Variants in RB1CC1 observed in about 807,000 individuals in gnomAD.
RB1CC1 encodes the protein RB1-inducible coiled-coil protein 1.
In RB1CC1, 46 loss-of-function variants were observed where a neutral mutation model predicts 177.5. That is an observed-to-expected ratio of 0.26 (90% CI 0.20 to 0.33). The LOEUF is 0.33. Among genes scored for constraint, RB1CC1 ranks in the 10% least tolerant of loss-of-function variants. The probability of loss-of-function intolerance (pLI) is 1.00; values close to 1 mark genes in which losing one functional copy is unlikely to be tolerated. For missense variants in RB1CC1, 1,703 were observed against 1,816.3 expected, an observed-to-expected ratio of 0.94 and a Z score of 1.13; for synonymous variants, 666 against 613.6, an observed-to-expected ratio of 1.09 and a Z score of -1.26.
At chr8:52,683,849 T>A in intron 4 of RB1CC1, 38 bp downstream of exon 4, 1 of 1,603,968 alleles carries the variant, frequency 6.2e-7, no homozygotes, top group Non-Finnish European at 8.5e-7. Flanking sequence ...GATGTAAAGA[T>A]GTTGCATTCT....
chr8:52,625,049 G>A (rs1322240180), intron 22 of RB1CC1, among the ~76,000 whole-genome samples: 3 of 152,018 alleles, frequency 2.0e-5, no homozygotes, highest in African/African-American at 7.2e-5. Context: ...AACAGTTCAG[G>A]AAACACTAAT....
chr8:52,639,653 G>A (rs945088605), intron 18 of RB1CC1, among the ~76,000 whole-genome samples: 7 of 152,176 alleles, frequency 4.6e-5, no homozygotes, highest in African/African-American at 1.4e-4. Context: ...GTTTGCTAAG[G>A]ATTTTGTTAA....
Position 52,656,194 on chromosome 8 carries a change from A to G in RB1CC1, c.3635T>C (p.Leu1212Pro). 1 of 1,613,712 alleles carries G rather than the reference A, an allele frequency of 6.2e-7. No individual in the cohort carries two copies. The highest frequency in any genetic ancestry group is 1.7e-4 in the Middle Eastern group (1 of 6,058). ...GACCAATTTTTGTCTGTCTTTCTCA[A>G]GGTTCTGGATAATAGCTTCGTATTT... ...EEKYEAIIQN[L>P]EKDRQKLVSS... The change falls in exon 15 of 24, where the codon CTT becomes CCT. Residue 1212 changes from leucine to proline, a missense_variant. This residue lies in a region of RB1CC1 where 1,169 missense variants were observed against 1,184.7 expected (regional missense o/e 0.99). Coordinates refer to ENST00000025008, the MANE Select transcript of RB1CC1 (RefSeq NM_014781.5).
At chr8:52,631,319 A>C (rs1848739150) in intron 20 of RB1CC1, among the ~76,000 whole-genome samples, 1 of 152,168 alleles carries the variant, frequency 6.6e-6, no homozygotes, top group South Asian at 2.1e-4. Context: ...AATACAAAAA[A>C]TTAGCTGGGC....
In RB1CC1 at chr8:52,657,975, C is replaced by T. The variant is rs932782837; in HGVS notation, c.1920+23G>A. On this transcript the variant is annotated intron_variant, in intron 14 of 23. Transcript: ENST00000025008. ...AAACATTTTACACTAATGAAGAAAA[C>T]TGTTTGAAAGAATTGAATTTGCCTT... is the stretch of plus-strand genomic sequence containing the variant. The T allele has an allele frequency of 3.7e-6, 6 of 1,613,136 alleles. No homozygotes were observed. The African/African-American group carries it at 4.0e-5, about 11-fold the overall frequency.
chr8:52,685,658 C>G (rs1854209333), intron 2 of RB1CC1, 138 bp from the exon 3 acceptor site: 4 of 403,546 alleles, frequency 9.9e-6, no homozygotes, highest in Non-Finnish European at 1.8e-5. Context: ...GGATGGCTAA[C>G]TGGATAGTTC....
intron 7 of RB1CC1, among the ~76,000 whole-genome samples, chr8:52,673,106 T>A (rs1852757866): frequency 6.6e-6 from 1 of 152,226 alleles, no homozygotes; most frequent in Non-Finnish European, 1.5e-5. Flanking sequence ...CTCTAAATAG[T>A]GAATCAAAGA....
At chr8:52,677,474 A>C (rs968350558) in intron 5 of RB1CC1, among the ~76,000 whole-genome samples, 2 of 152,204 alleles carry the variant, frequency 1.3e-5, no homozygotes, top group Admixed American at 6.5e-5. Context: ...TAAGGTAAGG[A>C]AGGAGGAATT....
chr8:52,641,538 T>C (rs1849584491), intron 18 of RB1CC1, among the ~76,000 whole-genome samples: 1 of 152,062 alleles, frequency 6.6e-6, no homozygotes, highest in African/African-American at 2.4e-5. Flanking sequence ...CCCAAGCAGG[T>C]GCTAGACTCA....
intron 8 of RB1CC1, among the ~76,000 whole-genome samples, chr8:52,663,115 C>G (rs1467479383): frequency 6.6e-6 from 1 of 152,068 alleles, no homozygotes; most frequent in Non-Finnish European, 1.5e-5. Flanking sequence ...CATAAATCAT[C>G]TAGTACTAAT....
chr8:52,682,338 G>A (rs1446400812), intron 5 of RB1CC1, among the ~76,000 whole-genome samples: 1 of 152,106 alleles, frequency 6.6e-6, no homozygotes, highest in Non-Finnish European at 1.5e-5. Context: ...ACGAGGAACT[G>A]TTAAGTCCAA....
chr8:52,654,473 C>T (rs734137), intron 15 of RB1CC1, among the ~76,000 whole-genome samples: 1 of 152,144 alleles, frequency 6.6e-6, no homozygotes, highest in Admixed American at 6.5e-5. Flanking sequence ...TGAGAACTAT[C>T]CATTTTGTGA....
chr8:52,648,499 G>A (rs111241576), intron 15 of RB1CC1, among the ~76,000 whole-genome samples: 26 of 152,282 alleles, frequency 1.7e-4, no homozygotes, highest in East Asian at 7.7e-4. Flanking sequence ...TTTCTATGGG[G>A]AGCAAGAAGC....
chr8:52,639,060 T>G (rs946381330), intron 18 of RB1CC1, among the ~76,000 whole-genome samples: 1 of 152,140 alleles, frequency 6.6e-6, no homozygotes, highest in African/African-American at 2.4e-5. Flanking sequence ...TTTTTACACA[T>G]TTTTCAATAT....
At chr8:52,685,327 G>T in intron 3 of RB1CC1, 72 bp downstream of exon 3, 1 of 1,177,752 alleles carries the variant, frequency 8.5e-7, no homozygotes, top group Non-Finnish European at 1.2e-6. Context: ...TTTTTAAACA[G>T]TAGAATAATA....
chr8:52,661,169 T>C lies in RB1CC1; in HGVS notation c.1471A>G (p.Thr491Ala). 6.2e-7 allele frequency: 1 copy of C among 1,613,954 alleles called. No individual in the cohort carries two copies. The highest frequency in any genetic ancestry group is 2.2e-5 in the East Asian group (1 of 44,838). Reference sequence around the variant, plus strand: ...GCTAAGCAGTACATCTGAGGAACTGTACTAAGAGCTTCAACAATTTTGACT... The same window carrying C: ...GCTAAGCAGTACATCTGAGGAACTGCACTAAGAGCTTCAACAATTTTGACT... ...ERVKIVEALS[T>A]VPQMYCLAVV... The change falls in exon 10 of 24, where the codon ACA becomes GCA. Residue 491 changes from threonine to alanine, a missense_variant. Thr to Ala is a moderately conservative substitution (Grantham distance 58). Transcript: ENST00000025008.
chr8:52,635,928 G>T, intron 19 of RB1CC1, 87 bp downstream of exon 19: 1 of 1,461,442 alleles, frequency 6.8e-7, no homozygotes, highest in Non-Finnish European at 9.3e-7. Flanking sequence ...AACACAAATA[G>T]TCTATTGTAT....
rs546118990 is a variant in RB1CC1, at chr8:52,667,329, T to C, written c.1173+692A>G. ...AAAGTTAATATGGGGGATGTAATTA[T>C]TTATATGTTCCAATGAAAGAACACA... On this transcript the variant is annotated intron_variant, in intron 8 of 23. Transcript: ENST00000025008. 5.9e-5 allele frequency among the ~76,000 whole-genome samples: 9 copies of C among 152,326 alleles called. No homozygotes were observed. In the East Asian group the frequency reaches 1.5e-3, roughly 26 times the overall value.
chr8:52,690,169 CTGAA>C (rs1477229346), intron 1 of RB1CC1, among the ~76,000 whole-genome samples: 1 of 152,172 alleles, frequency 6.6e-6, no homozygotes, highest in Non-Finnish European at 1.5e-5. Flanking sequence ...TAAAGATTTG[CTGAA>C]TGAATGAGTG....
Sources: allele counts gnomAD v4.1 joint callset (sites outside exome capture counted in the v4.1 genomes callset), GRCh38; gene constraint gnomAD v4.1.1; regional missense constraint gnomAD v4.1.1; transcripts MANE v1.5; gene names NCBI Gene and HGNC (gene_info 2026-07-23, HGNC 2026-07-21).